OTUD7A: variants seen among roughly 807,000 people sequenced by gnomAD.
The protein encoded by OTUD7A is OTU domain-containing protein 7A.
OTUD7A carries 12 observed loss-of-function variants against 65.7 expected under a neutral mutation model. That is an observed-to-expected ratio of 0.18 (90% confidence interval 0.12 to 0.30). The LOEUF (loss-of-function observed/expected upper bound fraction) is 0.30. OTUD7A is among the 10% of genes least tolerant of loss of function. The pLI is 1.00. For missense variants in OTUD7A, 1,148 were observed against 1,304.8 expected, an observed-to-expected ratio of 0.88 and a Z score of 1.85; for synonymous variants, 641 against 586.3, an observed-to-expected ratio of 1.09 and a Z score of -1.35.
intron 1 of OTUD7A, among the ~76,000 whole-genome samples, chr15:31,714,558 G>T (rs1356438028): frequency 2.6e-5 from 4 of 152,094 alleles, no homozygotes; most frequent in Admixed American, 6.6e-5. Context: ...CATTTGATGT[G>T]CATTTTTCTG....
At chr15:31,763,447 A>T (rs1274893621) in intron 1 of OTUD7A, among the ~76,000 whole-genome samples, 2 of 152,212 alleles carry the variant, frequency 1.3e-5, no homozygotes, top group Non-Finnish European at 2.9e-5. Flanking sequence ...TAGCAGAGGA[A>T]AGTCACTGGA....
chr15:31,643,973 T>C (rs1386350333), intron 3 of OTUD7A, among the ~76,000 whole-genome samples: 2 of 152,200 alleles, frequency 1.3e-5, no homozygotes, highest in Admixed American at 1.3e-4. Flanking sequence ...CACGGGGGGA[T>C]GCTTGCAGCT....
intron 1 of OTUD7A, among the ~76,000 whole-genome samples, chr15:31,795,984 C>T (rs558694673): frequency 2.6e-4 from 40 of 152,262 alleles, no homozygotes; most frequent in Non-Finnish European, 4.1e-4. Flanking sequence ...AATGTTCATG[C>T]GGACCCTGCA....
chr15:31,574,420 A>T (rs1889144813), intron 3 of OTUD7A, among the ~76,000 whole-genome samples: 2 of 152,228 alleles, frequency 1.3e-5, no homozygotes. Flanking sequence ...AGAAAGATGA[A>T]TCATTTGCTG....
At chr15:31,659,685 G>A (rs1455036170) in intron 1 of OTUD7A, among the ~76,000 whole-genome samples, 2 of 149,986 alleles carry the variant, frequency 1.3e-5, no homozygotes, top group African/African-American at 4.9e-5. Context: ...GCAGGTGGTT[G>A]GGAGGCAGCC....
At chr15:31,617,883 T>C (rs576112714) in intron 3 of OTUD7A, among the ~76,000 whole-genome samples, 1 of 152,280 alleles carries the variant, frequency 6.6e-6, no homozygotes, top group Non-Finnish European at 1.5e-5. Flanking sequence ...CACCCATTAA[T>C]TCGTCATTCA....
intron 1 of OTUD7A, among the ~76,000 whole-genome samples, chr15:31,770,588 A>G (rs1287240301): frequency 6.6e-6 from 1 of 152,218 alleles, no homozygotes; most frequent in Non-Finnish European, 1.5e-5. Flanking sequence ...CTTTAGTCTG[A>G]TATCAAAGCC....
At position 31,494,039 on chromosome 15, in the gene OTUD7A, C is replaced by T. The variant is rs192424810; in HGVS notation, c.1172-6473G>A. Among the ~76,000 whole-genome samples, 436 of 152,324 alleles carry T rather than the reference C, an allele frequency of 2.9e-3. 4 individuals are homozygous for T. The highest frequency in any genetic ancestry group is 0.01 in the African/African-American group (417 of 41,572). Reference sequence around the variant, plus strand: ...GAGGCCAAGGCCAGCCCCTGAGGATCGGGCCCCTAGGCTGGGGCATCAGGG... The same window carrying T: ...GAGGCCAAGGCCAGCCCCTGAGGATTGGGCCCCTAGGCTGGGGCATCAGGG... On this transcript the variant is annotated intron_variant, in intron 10 of 12. Coordinates refer to ENST00000307050, the MANE Select transcript of OTUD7A (RefSeq NM_001382637.1).
chr15:31,738,389 C>T (rs566027153), intron 1 of OTUD7A, among the ~76,000 whole-genome samples: 1 of 152,180 alleles, frequency 6.6e-6, no homozygotes, highest in Admixed American at 6.5e-5. Flanking sequence ...TGCAATAAGT[C>T]AGAATGGAAG....
At chr15:31,815,488 C>G (rs939562887) in intron 1 of OTUD7A, among the ~76,000 whole-genome samples, 1 of 152,244 alleles carries the variant, frequency 6.6e-6, no homozygotes, top group Admixed American at 6.5e-5. Flanking sequence ...CAGCAAGGAA[C>G]GAGCTCAAGG....
intron 3 of OTUD7A, among the ~76,000 whole-genome samples, chr15:31,645,790 C>T (rs1165893523): frequency 1.3e-5 from 2 of 152,136 alleles, no homozygotes; most frequent in Non-Finnish European, 2.9e-5. Flanking sequence ...AACTACTGCC[C>T]ATAGGCTGGC....
intron 6 of OTUD7A, among the ~76,000 whole-genome samples, chr15:31,529,187 G>C (rs958149120): frequency 6.6e-6 from 1 of 152,246 alleles, no homozygotes; most frequent in Non-Finnish European, 1.5e-5. Context: ...TGAGGCTGCT[G>C]TTTGACACAG....
intron 1 of OTUD7A, among the ~76,000 whole-genome samples, chr15:31,665,523 C>G (rs970222726): frequency 2.0e-5 from 3 of 152,206 alleles, no homozygotes; most frequent in Non-Finnish European, 4.4e-5. Context: ...TATCCAGAAA[C>G]TTTGCTGAAT....
intron 3 of OTUD7A, among the ~76,000 whole-genome samples, chr15:31,631,443 TC>T (rs1208286920): frequency 1.3e-5 from 2 of 152,238 alleles, no homozygotes; most frequent in Non-Finnish European, 2.9e-5. Context: ...TTGTAGAGTT[TC>T]TGCCGTGAGA....
chr15:31,553,668 T>C (rs957275858), intron 5 of OTUD7A, among the ~76,000 whole-genome samples: 5 of 151,668 alleles, frequency 3.3e-5, no homozygotes, highest in Non-Finnish European at 5.9e-5. Flanking sequence ...GCTGGACTCT[T>C]CCCTGCCTGC....
At chr15:31,583,530 TC>T (rs1889436320) in intron 3 of OTUD7A, among the ~76,000 whole-genome samples, 1 of 151,916 alleles carries the variant, frequency 6.6e-6, no homozygotes, top group Non-Finnish European at 1.5e-5. Flanking sequence ...GGGGGTGGTT[TC>T]CCCCATACTG....
At chr15:31,776,564 T>G (rs1445490812) in intron 1 of OTUD7A, among the ~76,000 whole-genome samples, 2 of 152,174 alleles carry the variant, frequency 1.3e-5, no homozygotes. Flanking sequence ...CTCAGGTATG[T>G]GGGGACAGGG....
rs533381246 is a variant in OTUD7A, at chr15:31,620,551, G to C, written c.151+34545C>G. ...TTCTTCTAGATTTTCTAGTTTATTT[G>C]TGTAGAGGTGTTTATAGTATTCTCT... is the stretch of plus-strand genomic sequence containing the variant. On this transcript the variant is annotated intron_variant, in intron 3 of 12. Coordinates refer to ENST00000307050, the MANE Select transcript of OTUD7A (RefSeq NM_001382637.1). Among the ~76,000 whole-genome samples, 18 of 150,882 alleles carry C rather than the reference G, an allele frequency of 1.2e-4. No individual in the cohort carries two copies. The East Asian group carries it at 3.3e-3, about 28-fold the overall frequency.
intron 1 of OTUD7A, among the ~76,000 whole-genome samples, chr15:31,709,845 AC>A (rs1195196641): frequency 1.3e-5 from 2 of 152,204 alleles, no homozygotes; most frequent in African/African-American, 2.4e-5. Context: ...CATTATACAC[AC>A]ACACAAGTGT....
Sources: gnomAD v4.1 joint callset for allele counts (sites outside exome capture counted in the v4.1 genomes callset) on GRCh38, gnomAD v4.1.1 for gene constraint, MANE v1.5 for transcripts, NCBI Gene and HGNC (gene_info 2026-07-23, HGNC 2026-07-21) for gene names.